The following NTRK1 variants were observed in gnomAD, a reference collection of about 807,000 sequenced individuals.
The protein encoded by NTRK1 is neurotrophic receptor tyrosine kinase 1.
A neutral mutation model predicts 86.8 loss-of-function variants in NTRK1; 62 were observed. That is an observed-to-expected ratio of 0.71 (90% CI 0.58 to 0.88). The LOEUF is 0.88. Ranked by LOEUF, NTRK1 falls within the 40% of genes least tolerant of loss-of-function variation. The pLI, the probability that NTRK1 is intolerant of heterozygous loss-of-function variation, is 0.00. For synonymous variants in NTRK1, 469 were observed against 456.6 expected (o/e 1.03, Z -0.35); for missense variants, 967 against 1,078.4 (o/e 0.90, Z 1.45).
intron 2 of NTRK1, among the ~76,000 whole-genome samples, chr1:156,850,541 T>A (rs866255221): frequency 1.2e-3 from 110 of 92,354 alleles, no homozygotes; most frequent in African/African-American, 7.4e-3. Flanking sequence ...ATTCTTTTTT[T>A]TTTTTTTTTT....
intron 1 of NTRK1, among the ~76,000 whole-genome samples, chr1:156,829,801 T>C (rs1005272534): frequency 6.6e-6 from 1 of 152,078 alleles, no homozygotes. Flanking sequence ...TACAGGTGCC[T>C]GCCACCGCAT....
rs1032968973 is a variant in NTRK1, at chr1:156,842,164, A to G, written c.21A>G (p.Arg7=). Reference sequence around the variant, plus strand: ...ACACCATGCAGTTGCGGGCTGCTAGATCTCGGTGCACAAACTTGTTGGCAG... The same window carrying G: ...ACACCATGCAGTTGCGGGCTGCTAGGTCTCGGTGCACAAACTTGTTGGCAG... Residue 7 remains arginine (R), a synonymous_variant, in exon 2 of 17, where the codon AGA becomes AGG. Coordinates refer to the NTRK1 transcript ENST00000392302. The G allele has an allele frequency of 3.1e-6, 5 of 1,613,674 alleles. No individual in the cohort carries two copies. In the African/African-American group the frequency reaches 6.7e-5, roughly 22 times the overall value.
chr1:156,846,162 C>G, intron 2 of NTRK1: 2 of 1,524,484 alleles, frequency 1.3e-6, no homozygotes, highest in Non-Finnish European at 1.8e-6. Flanking sequence ...GTGGGTCTTC[C>G]TCCTGAATAC....
chr1:156,877,036 G>A (rs910068269), intron 14 of NTRK1, among the ~76,000 whole-genome samples: 1 of 151,984 alleles, frequency 6.6e-6, no homozygotes, highest in South Asian at 2.1e-4. Context: ...TATTGTTTTA[G>A]AGTTGGGGTC....
chr1:156,846,495 C>T, intron 2 of NTRK1: 1 of 1,587,194 alleles, frequency 6.3e-7, no homozygotes, highest in South Asian at 1.1e-5. Flanking sequence ...GTCTGACTGA[C>T]TCTTGCACCC....
At chr1:156,848,704 C>G (rs1655093738) in intron 2 of NTRK1, among the ~76,000 whole-genome samples, 1 of 152,214 alleles carries the variant, frequency 6.6e-6, no homozygotes, top group South Asian at 2.1e-4. Flanking sequence ...GCCCTGTCTT[C>G]TCCATTTCAC....
At chr1:156,830,087 C>T (rs1183035934) in intron 1 of NTRK1, among the ~76,000 whole-genome samples, 1 of 152,264 alleles carries the variant, frequency 6.6e-6, no homozygotes, top group South Asian at 2.1e-4. Flanking sequence ...GGGGCAGTCT[C>T]AGCACAGCCC....
chr1:156,841,239 G>T, intron 1 of NTRK1: 2 of 950,070 alleles, frequency 2.1e-6, no homozygotes, highest in Non-Finnish European at 3.3e-6. Context: ...GGGATTAAAT[G>T]GGAGTCTTGG....
chr1:156,841,487 T>A (rs757050728), intron 1 of NTRK1: 1 of 1,613,926 alleles, frequency 6.2e-7, no homozygotes, highest in Admixed American at 1.7e-5. Context: ...GTAGGGTTGT[T>A]CTGCCAGGGT....
rs1167363832 is a variant in NTRK1 at position 156,869,016 on chromosome 1, CTCCCTTCCTTCCTTCCTTCCTTCCT to C, written c.717+373_717+397del. ...TCCCTCCCGTACATCACTTTTCTCT[CTCCCTTCCTTCCTTCCTTCCTTCCT>C]TCCTTCCTTCCTTCCTTCCTTCCTT... On this transcript the variant is annotated intron_variant, in intron 6 of 16. Coordinates refer to ENST00000524377, the MANE Select transcript of NTRK1 (RefSeq NM_002529.4). Among the ~76,000 whole-genome samples the C allele has an allele frequency of 4.3e-3, 527 of 122,524 alleles. 6 individuals are homozygous for C. Among genetic ancestry groups the C allele is most frequent in the Middle Eastern group, 8.2e-3 (2 of 244 alleles). The allele number at this position is 122,524 out of a possible 152,430, so 80.4% of individuals were successfully genotyped here.
intron 14 of NTRK1, among the ~76,000 whole-genome samples, chr1:156,878,375 CTG>C (rs1474069260): frequency 6.6e-6 from 1 of 152,204 alleles, no homozygotes; most frequent in Non-Finnish European, 1.5e-5. Flanking sequence ...CCCGTGGTGC[CTG>C]CCAGGTGCCC....
chr1:156,856,560 T>A (rs1243879430), upstream of NTRK1, among the ~76,000 whole-genome samples: 1 of 152,202 alleles, frequency 6.6e-6, no homozygotes, highest in Non-Finnish European at 1.5e-5. Context: ...TCCCTGACCC[T>A]CTGGCCTGGA....
chr1:156,880,439 C>T, intron 16 of NTRK1: 1 of 513,092 alleles, frequency 1.9e-6, no homozygotes, highest in South Asian at 2.2e-5. Context: ...TCCCTAGCTG[C>T]ATTTTATAGA....
rs1190433239 is a variant in NTRK1 at position 156,818,656 on chromosome 1, G to T, written c.-64+2818G>T. On this transcript the variant is annotated intron_variant, in intron 1 of 16. Coordinates refer to the NTRK1 transcript ENST00000392302. ...AAGATACTGCAAAAGACATTATTTCGTTCTTTTTTTGGCTGAGTAGTATTC... is the reference window on the plus strand; with the variant it reads ...AAGATACTGCAAAAGACATTATTTCTTTCTTTTTTTGGCTGAGTAGTATTC... Among the ~76,000 whole-genome samples, 4 of 152,122 alleles carry T rather than the reference G, an allele frequency of 2.6e-5. No individual in the cohort carries two copies. In the East Asian group the frequency reaches 5.8e-4, roughly 22 times the overall value.
Position 156,873,902 on chromosome 1 carries a change from A to G in NTRK1, c.1120A>G (p.Ile374Val), listed in dbSNP as rs1347421266. The G allele has an allele frequency of 6.4e-7, 1 of 1,572,870 alleles. No individual in the cohort carries two copies. Among genetic ancestry groups the G allele is most frequent in the South Asian group, 1.2e-5 (1 of 86,164 alleles). Residue 374 changes from isoleucine (I) to valine (V), a missense_variant, in exon 8 of 17, where the codon ATC becomes GTC. Physicochemically the swap from Ile to Val is conservative, Grantham distance 29 (BLOSUM62 3). This residue lies in a region of NTRK1 where 637 missense variants were observed against 776.5 expected (regional missense o/e 0.82). Transcript: ENST00000524377. ...ANPFGQASAS[I>V]MAAFMDNPFE... Reference sequence around the variant, plus strand: ...CCCCTTCGGCCAGGCCTCCGCCTCCATCATGGCTGCCTTCATGGACAACCC... The same window carrying G: ...CCCCTTCGGCCAGGCCTCCGCCTCCGTCATGGCTGCCTTCATGGACAACCC...
chr1:156,844,318 T>C (rs775866668), intron 2 of NTRK1: 3 of 1,582,456 alleles, frequency 1.9e-6, no homozygotes, highest in South Asian at 1.1e-5. Flanking sequence ...GAGTCAAAGA[T>C]GTAGAAGTCA....
At chr1:156,838,655 G>A (rs746620903) in intron 1 of NTRK1, among the ~76,000 whole-genome samples, 1 of 152,222 alleles carries the variant, frequency 6.6e-6, no homozygotes, top group African/African-American at 2.4e-5. Flanking sequence ...GACTTGGACA[G>A]CAATAGAGCT....
At chr1:156,849,387 T>C (rs1655125079) in intron 2 of NTRK1, 2 of 1,612,754 alleles carry the variant, frequency 1.2e-6, no homozygotes, top group Non-Finnish European at 1.7e-6. Flanking sequence ...CCCACGGGAA[T>C]GGTGAGCCCC....
chr1:156,874,240 G>A (rs2102908058), intron 8 of NTRK1, 143 bp from the exon 9 acceptor site: 1 of 1,287,802 alleles, frequency 7.8e-7, no homozygotes, highest in Admixed American at 1.7e-5. Context: ...CTTCTTCCTT[G>A]AGGCCCAGCA....
Sources: allele counts gnomAD v4.1 joint callset (sites outside exome capture counted in the v4.1 genomes callset), GRCh38; gene constraint gnomAD v4.1.1; regional missense constraint gnomAD v4.1.1; transcripts MANE v1.5; gene names NCBI Gene and HGNC (gene_info 2026-07-23, HGNC 2026-07-21).